The following RIPOR3 variants were observed in gnomAD, a reference collection of about 807,000 sequenced individuals.
RIPOR3 encodes RIPOR family member 3, also known as family with sequence similarity 65 member C.
RIPOR3 carries 95 observed loss-of-function variants against 114.3 expected under a neutral mutation model. The ratio of observed to expected loss-of-function variants is 0.83; its 90% CI spans 0.70 to 0.99. RIPOR3 has a LOEUF of 0.99. RIPOR3 is among the 50% of genes least tolerant of loss of function. The pLI, the probability that RIPOR3 is intolerant of heterozygous loss-of-function variation, is 0.00. For missense variants in RIPOR3, 1,252 were observed against 1,266.9 expected (o/e 0.99, Z 0.18); for synonymous variants, 575 against 543.8 (o/e 1.06, Z -0.80).
intron 1 of RIPOR3, among the ~76,000 whole-genome samples, chr20:50,672,943 G>A (rs958832140): frequency 2.0e-5 from 3 of 152,236 alleles, no homozygotes; most frequent in Admixed American, 1.3e-4. Context: ...CACCTGTAGC[G>A]CATGGAGATT....
At chr20:50,678,371 C>T (rs2086744403) in intron 1 of RIPOR3, among the ~76,000 whole-genome samples, 1 of 152,194 alleles carries the variant, frequency 6.6e-6, no homozygotes, top group Non-Finnish European at 1.5e-5. Flanking sequence ...GGAATCTGTC[C>T]CACCTGGCTC....
chr20:50,620,016 T>A lies in RIPOR3; in HGVS notation c.239A>T (p.Lys80Met). 2 of 1,613,340 alleles carry A rather than the reference T, an allele frequency of 1.2e-6. No homozygotes were observed. The highest frequency in any genetic ancestry group is 8.5e-7 in the Non-Finnish European group (1 of 1,179,290). ...CADPKPQQVK[K>M]IFEALKRGLK... ...GCCTCTTTTCAATGCTTCGAAGATC[T>A]TCTTCACCTGCTGGGGCTTCGGGTC... Residue 80 changes from lysine (K) to methionine (M), a missense_variant, in exon 3 of 22, where the codon AAG (lysine) becomes ATG (methionine). Physicochemically the swap from Lys to Met is moderately conservative, Grantham distance 95. Coordinates refer to ENST00000327979, the MANE Select transcript of RIPOR3 (RefSeq NM_001290268.2).
chr20:50,611,129 C>T (rs1471468028), intron 5 of RIPOR3, 52 bp downstream of exon 5: 36 of 1,613,650 alleles, frequency 2.2e-5, no homozygotes, highest in Non-Finnish European at 2.9e-5. Flanking sequence ...GAGGCACAGT[C>T]ATTCTCATCC....
At chr20:50,689,277 G>T (rs2087130426) in intron 1 of RIPOR3, among the ~76,000 whole-genome samples, 2 of 149,064 alleles carry the variant, frequency 1.3e-5, no homozygotes, top group Admixed American at 1.4e-4. Context: ...CCCAGTTCAA[G>T]TGATTCTCCT....
intron 1 of RIPOR3, among the ~76,000 whole-genome samples, chr20:50,678,397 C>T (rs959964127): frequency 6.6e-6 from 1 of 152,178 alleles, no homozygotes; most frequent in Non-Finnish European, 1.5e-5. Context: ...GGGCCTACCC[C>T]CACCTCCCAC....
intron 1 of RIPOR3, among the ~76,000 whole-genome samples, chr20:50,633,792 C>T (rs778908780): frequency 2.0e-5 from 3 of 152,004 alleles, no homozygotes; most frequent in African/African-American, 4.8e-5. Flanking sequence ...AGAGAGAGGA[C>T]GACGAAGGAG....
chr20:50,606,853 C>T (rs565168427), intron 11 of RIPOR3, among the ~76,000 whole-genome samples: 2 of 152,118 alleles, frequency 1.3e-5, no homozygotes, highest in African/African-American at 4.8e-5. Flanking sequence ...CCTCAGCCTC[C>T]CAAGTAGCTG....
intron 1 of RIPOR3, among the ~76,000 whole-genome samples, chr20:50,650,291 G>C (rs754091792): frequency 6.6e-6 from 1 of 152,044 alleles, no homozygotes; most frequent in Non-Finnish European, 1.5e-5. Context: ...CAGCACGGGG[G>C]TTTGGGTTCA....
rs764832898 is a variant in RIPOR3 at position 50,608,731 on chromosome 20, A to G, written c.692T>C (p.Met231Thr). The change falls in exon 10 of 22, where the codon ATG becomes ACG. Residue 231 changes from methionine (M) to threonine (T), a missense_variant. By Grantham distance (81) the Met-to-Thr change is moderately conservative (BLOSUM62 -1). Coordinates refer to ENST00000327979, the MANE Select transcript of RIPOR3 (RefSeq NM_001290268.2). ...LCPGDHYEVL[M>T]RLGRQRWKLK... is the part of the protein sequence containing the mutation. Reference sequence around the variant, plus strand: ...CTTCCAACGCTGGCGGCCCAGACGCATGAGCACCTGTGAACCAGCCCGAGA... The same window carrying G: ...CTTCCAACGCTGGCGGCCCAGACGCGTGAGCACCTGTGAACCAGCCCGAGA... 2.5e-6 allele frequency: 4 copies of G among 1,613,980 alleles called. No homozygotes were observed. Among genetic ancestry groups the G allele is most frequent in the Non-Finnish European group, 3.4e-6 (4 of 1,179,904 alleles).
At chr20:50,653,416 A>G (rs1237996484) in intron 1 of RIPOR3, among the ~76,000 whole-genome samples, 1 of 151,944 alleles carries the variant, frequency 6.6e-6, no homozygotes, top group Non-Finnish European at 1.5e-5. Flanking sequence ...ATGCCAAAAA[A>G]AAGAAAAAAA....
At chr20:50,633,813 G>T (rs7260816) in intron 1 of RIPOR3, among the ~76,000 whole-genome samples, 5,880 of 152,214 alleles carry the variant, frequency 0.039, 401 homozygotes, top group African/African-American at 0.14. Context: ...GGAAACTAAG[G>T]CTCGGAGCAG....
intron 20 of RIPOR3, among the ~76,000 whole-genome samples, chr20:50,588,261 A>G (rs1221468332): frequency 2.0e-5 from 3 of 152,172 alleles, no homozygotes; most frequent in Non-Finnish European, 4.4e-5. Flanking sequence ...ACTTCGCCCA[A>G]CTCAGGCACA....
At position 50,602,672 on chromosome 20, in the gene RIPOR3, A is replaced by C. The variant is rs1601481473; in HGVS notation, c.1087-28T>G. On this transcript the variant is annotated intron_variant, in intron 12 of 21. Transcript: ENST00000327979. The surrounding 1 kb of genome is among the most constrained non-coding windows in gnomAD (Gnocchi z 4.3). ...GGAGAGGGGACACGGGAGCGGCCTC[A>C]CCAGCCACCCCAGGGACCACAGCAA... 1 of 1,417,250 alleles carries C rather than the reference A, an allele frequency of 7.1e-7. No homozygotes were observed. Among genetic ancestry groups the C allele is most frequent in the Non-Finnish European group, 9.3e-7 (1 of 1,080,636 alleles). 87.8% of individuals were successfully genotyped at this position (1,417,250 alleles called of 1,614,324 possible).
chr20:50,594,746 GA>G, intron 16 of RIPOR3, 32 bp from the exon 17 acceptor site: 2 of 1,589,850 alleles, frequency 1.3e-6, no homozygotes, highest in Non-Finnish European at 1.7e-6. Context: ...CCTGAATGGT[GA>G]CTCGGGGAGA....
chr20:50,674,149 G>T (rs1186547540), intron 1 of RIPOR3, among the ~76,000 whole-genome samples: 6 of 152,176 alleles, frequency 3.9e-5, no homozygotes, highest in African/African-American at 1.4e-4. Context: ...GTGTGGGCCA[G>T]GAAAGAGCAT....
At chr20:50,638,293 A>C (rs1160345014) in intron 1 of RIPOR3, among the ~76,000 whole-genome samples, 1 of 152,208 alleles carries the variant, frequency 6.6e-6, no homozygotes, top group African/African-American at 2.4e-5. Flanking sequence ...CCACTGTCCC[A>C]GGACTGCAGG....
At chr20:50,689,255 C>T (rs1236628748) in intron 1 of RIPOR3, among the ~76,000 whole-genome samples, 1 of 149,892 alleles carries the variant, frequency 6.7e-6, no homozygotes, top group Non-Finnish European at 1.5e-5. Context: ...CAGCTCACTG[C>T]ACCTCTCCCT....
At chr20:50,645,545 G>A (rs1427545993) in intron 1 of RIPOR3, 2 of 152,344 alleles carry the variant, frequency 1.3e-5, no homozygotes, top group East Asian at 3.8e-4. Context: ...TACGTTAGAA[G>A]GGTGAGGCGC....
chr20:50,608,950 C>T lies in RIPOR3; in HGVS notation c.646G>A (p.Val216Met), dbSNP rs747903026. ...CCGGGACAGAGGCGTGCGTAGCCCA[C>T]CAAGCCTGGAACACAGACATGGCCG... ...GEFHIRMKGL[V>M]GYARLCPGDH... The change falls in exon 9 of 22, where the codon GTG becomes ATG. Residue 216 changes from valine to methionine, a missense_variant. Transcript: ENST00000327979. 6.3e-7 allele frequency: 1 copy of T among 1,581,446 alleles called. No individual in the cohort carries two copies. Among genetic ancestry groups the T allele is most frequent in the Non-Finnish European group, 8.6e-7 (1 of 1,164,326 alleles).
Sources: allele counts gnomAD v4.1 joint callset (sites outside exome capture counted in the v4.1 genomes callset), GRCh38; gene constraint gnomAD v4.1.1; non-coding constraint Gnocchi (gnomAD v3.1); transcripts MANE v1.5; gene names NCBI Gene and HGNC (gene_info 2026-07-23, HGNC 2026-07-21).